Variants in MACROD2 observed in about 807,000 individuals in gnomAD.
MACROD2 encodes the protein ADP-ribose glycohydrolase MACROD2.
Under a neutral mutation model 70.4 loss-of-function variants are expected in MACROD2, and 36 were observed. The observed-to-expected ratio is 0.51, with a 90% CI of 0.39 to 0.68. The LOEUF is 0.68. Among genes scored for constraint, MACROD2 ranks in the 30% least tolerant of loss-of-function variants. The probability of loss-of-function intolerance (pLI) is 0.00; values close to 1 mark genes in which losing one functional copy is unlikely to be tolerated. For missense variants in MACROD2, 496 were observed against 538.4 expected (o/e 0.92, Z 0.78); for synonymous variants, 172 against 178.8 (o/e 0.96, Z 0.30).
At chr20:16,019,193 A>C (rs2066968582) in intron 15 of MACROD2, among the ~76,000 whole-genome samples, 1 of 152,226 alleles carries the variant, frequency 6.6e-6, no homozygotes, top group Non-Finnish European at 1.5e-5. Context: ...AGAGAACCAA[A>C]ATTTGAAAAA....
At chr20:14,157,836 C>G (rs2055125835) in intron 3 of MACROD2, among the ~76,000 whole-genome samples, 1 of 152,124 alleles carries the variant, frequency 6.6e-6, no homozygotes, top group Non-Finnish European at 1.5e-5. Flanking sequence ...TTGATGGACA[C>G]TTAGGTTGAC....
chr20:15,892,331 G>A (rs1778124902), intron 10 of MACROD2, among the ~76,000 whole-genome samples: 1 of 152,178 alleles, frequency 6.6e-6, no homozygotes, highest in African/African-American at 2.4e-5. Flanking sequence ...ACTCGGAGAT[G>A]CTTTCCTGAC....
intron 3 of MACROD2, among the ~76,000 whole-genome samples, chr20:14,387,966 T>C (rs2083486063): frequency 6.6e-6 from 1 of 152,064 alleles, no homozygotes; most frequent in African/African-American, 2.4e-5. Context: ...TTGGTTCATT[T>C]TAAAATTTCT....
intron 6 of MACROD2, among the ~76,000 whole-genome samples, chr20:15,336,756 C>T (rs906288789): frequency 2.0e-5 from 3 of 151,626 alleles, no homozygotes; most frequent in African/African-American, 7.3e-5. Context: ...CCTCTCCTGC[C>T]CTTAAGCATT....
At chr20:15,185,615 ATAAT>A (rs753245941) in intron 5 of MACROD2, among the ~76,000 whole-genome samples, 14 of 152,294 alleles carry the variant, frequency 9.2e-5, no homozygotes, top group South Asian at 2.1e-4. Flanking sequence ...AATTTACTAC[ATAAT>A]TAATTTATAA....
At chr20:15,412,290 A>C (rs1487414797) in intron 6 of MACROD2, among the ~76,000 whole-genome samples, 1 of 152,194 alleles carries the variant, frequency 6.6e-6, no homozygotes, top group Non-Finnish European at 1.5e-5. Context: ...ATTATTAAAA[A>C]AAAGAAAAAG....
chr20:14,086,805 G>C (rs569220977), intron 3 of MACROD2, among the ~76,000 whole-genome samples: 1 of 152,164 alleles, frequency 6.6e-6, no homozygotes. Flanking sequence ...CTTGTCATTG[G>C]TTGCAAGGTG....
intron 15 of MACROD2, among the ~76,000 whole-genome samples, chr20:15,993,465 T>C (rs1335839164): frequency 1.3e-5 from 2 of 152,164 alleles, no homozygotes; most frequent in Non-Finnish European, 2.9e-5. Flanking sequence ...TGTATGGGTT[T>C]ATAACCTAAG....
chr20:14,061,494 C>T (rs1042599015), intron 2 of MACROD2, among the ~76,000 whole-genome samples: 12 of 152,044 alleles, frequency 7.9e-5, no homozygotes, highest in African/African-American at 2.9e-4. Context: ...TACTCAAAGT[C>T]TGATCATAAT....
chr20:16,021,354 C>T (rs900344419), intron 15 of MACROD2, among the ~76,000 whole-genome samples: 2 of 152,134 alleles, frequency 1.3e-5, no homozygotes, highest in African/African-American at 4.8e-5. Flanking sequence ...AATAAGGAGA[C>T]ACCTAGTTGG....
intron 12 of MACROD2, among the ~76,000 whole-genome samples, chr20:15,949,759 C>T (rs985484190): frequency 6.6e-6 from 1 of 152,070 alleles, no homozygotes; most frequent in Non-Finnish European, 1.5e-5. Context: ...TGGGCATCAC[C>T]TAATAAAAGT....
At chr20:14,961,559 G>C (rs2074583507) in intron 5 of MACROD2, among the ~76,000 whole-genome samples, 1 of 151,986 alleles carries the variant, frequency 6.6e-6, no homozygotes. Context: ...ACAGGGTTTT[G>C]CTCTGCCACC....
chr20:16,007,887 GA>G (rs1568704464), intron 15 of MACROD2, among the ~76,000 whole-genome samples: 1 of 152,100 alleles, frequency 6.6e-6, no homozygotes, highest in African/African-American at 2.4e-5. Context: ...GTTGGGTATA[GA>G]TATATAAAAT....
intron 8 of MACROD2, among the ~76,000 whole-genome samples, chr20:15,585,761 T>C (rs2048590801): frequency 2.1e-5 from 1 of 46,754 alleles, no homozygotes; most frequent in African/African-American, 1.2e-4. Context: ...CCTATTTCAC[T>C]GCCTCATTTT....
intron 6 of MACROD2, among the ~76,000 whole-genome samples, chr20:15,289,035 T>C (rs2077518232): frequency 6.6e-6 from 1 of 152,172 alleles, no homozygotes; most frequent in African/African-American, 2.4e-5. Context: ...AGTTCATCTA[T>C]GAAGCTAGGA....
At chr20:14,594,150 T>A (rs1349387025) in intron 4 of MACROD2, among the ~76,000 whole-genome samples, 1 of 152,196 alleles carries the variant, frequency 6.6e-6, no homozygotes, top group African/African-American at 2.4e-5. Flanking sequence ...TGTAAGGAAC[T>A]GCAAGGACCT....
intron 3 of MACROD2, among the ~76,000 whole-genome samples, chr20:14,178,866 A>G (rs957689532): frequency 1.3e-5 from 2 of 151,812 alleles, no homozygotes; most frequent in African/African-American, 4.8e-5. Context: ...TCTCTGCAGC[A>G]AGATATCCTG....
intron 8 of MACROD2, among the ~76,000 whole-genome samples, chr20:15,646,558 T>C (rs1262107734): frequency 6.6e-6 from 1 of 152,170 alleles, no homozygotes; most frequent in Non-Finnish European, 1.5e-5. Context: ...AGGCTTTGTG[T>C]CTCCACCCAA....
chr20:16,023,811 C>T (rs1254937170), intron 15 of MACROD2, among the ~76,000 whole-genome samples: 1 of 152,014 alleles, frequency 6.6e-6, no homozygotes. Context: ...GGGGGTGGGG[C>T]GAGTAGATCT....
Sources: allele counts gnomAD v4.1 joint callset (sites outside exome capture counted in the v4.1 genomes callset), GRCh38; gene constraint gnomAD v4.1.1; transcripts MANE v1.5; gene names NCBI Gene and HGNC (gene_info 2026-07-23, HGNC 2026-07-21).